The following USP36 variants were observed in gnomAD, a reference collection of about 807,000 sequenced individuals.
USP36 encodes ubiquitin specific peptidase 36.
A neutral mutation model predicts 111.5 loss-of-function variants in USP36; 59 were observed. The ratio of observed to expected loss-of-function variants is 0.53; its 90% CI spans 0.43 to 0.66. The LOEUF (loss-of-function observed/expected upper bound fraction) is 0.66. Ranked by LOEUF, USP36 falls within the 30% of genes least tolerant of loss-of-function variation. The pLI is 0.00. For missense variants in USP36, 1,488 were observed against 1,468.0 expected (o/e 1.01, Z -0.22); for synonymous variants, 628 against 581.0 (o/e 1.08, Z -1.16).
intron 7 of USP36, 76 bp downstream of exon 7, chr17:78,821,861 C>A (rs1032226823): frequency 5.2e-6 from 8 of 1,542,330 alleles, no homozygotes; most frequent in Non-Finnish European, 7.2e-6. Flanking sequence ...CCCCAGCCTG[C>A]GTTCCAACTC....
intron 7 of USP36, chr17:78,821,286 G>T (rs2094312013): frequency 2.2e-6 from 1 of 461,196 alleles, no homozygotes. Flanking sequence ...GGCCCTCCCT[G>T]CCTGGACTGC....
At chr17:78,840,909 C>T (rs1191962639), upstream of USP36, 1 of 152,270 alleles carries the variant, frequency 6.6e-6, no homozygotes, top group African/African-American at 2.4e-5. Flanking sequence ...GGTTGGGAGG[C>T]TTTAAGAGGC....
At chr17:78,788,039 T>C (rs1443765756) in intron 3 of USP36, among the ~76,000 whole-genome samples, 1 of 152,228 alleles carries the variant, frequency 6.6e-6, no homozygotes, top group Non-Finnish European at 1.5e-5. Context: ...TCTCTGGCAC[T>C]GTGAGAGAAC....
chr17:78,802,033 C>T (rs1421619443), intron 17 of USP36, among the ~76,000 whole-genome samples: 5 of 152,130 alleles, frequency 3.3e-5, no homozygotes, highest in African/African-American at 2.4e-5. Flanking sequence ...ATGCAGTAGA[C>T]GCTGCTCTCA....
chr17:78,788,956 T>C (rs1303607687), intron 3 of USP36, among the ~76,000 whole-genome samples: 1 of 151,812 alleles, frequency 6.6e-6, no homozygotes, highest in Non-Finnish European at 1.5e-5. Context: ...TCCCAGCACT[T>C]TGGGAGGCTG....
chr17:78,827,803 G>A (rs559887509), intron 5 of USP36, among the ~76,000 whole-genome samples: 3 of 152,232 alleles, frequency 2.0e-5, no homozygotes, highest in Non-Finnish European at 4.4e-5. Flanking sequence ...CAGCTACTTA[G>A]GTGGCTGAGG....
In USP36 at chr17:78,807,123, G is replaced by A. The variant is rs1182845052; in HGVS notation, c.1921C>T (p.Gln641Ter). 6.2e-7 allele frequency: 1 copy of A among 1,614,106 alleles called. No individual in the cohort carries two copies. Among genetic ancestry groups the A allele is most frequent in the Non-Finnish European group, 8.5e-7 (1 of 1,180,052 alleles). The change falls in exon 14 of 21, where the codon CAG becomes TAG. Residue 641 changes from glutamine to a stop codon, truncating the protein, a stop_gained. Coordinates refer to ENST00000449938, the MANE Select transcript of USP36 (RefSeq NM_001385174.1). LOFTEE classifies it high-confidence loss of function. ...CCAGCGGTGGAACAGTTCGTTTCCT[G>A]AGAATCGCAGAGATGGGCCGCTCCA... ...RSGAAHLCDSQETNCSTAGHS... is the reference protein window; with the variant it reads ...RSGAAHLCDS
intron 10 of USP36, 29 bp downstream of exon 10, chr17:78,818,638 C>G (rs1439864611): frequency 2.5e-6 from 4 of 1,602,224 alleles, no homozygotes; most frequent in Non-Finnish European, 3.4e-6. Context: ...GCCCACGGAG[C>G]TGCCTGGGAT....
chr17:78,836,458 T>C (rs1187253210), intron 2 of USP36, 86 bp from the exon 3 acceptor site: 23 of 1,508,842 alleles, frequency 1.5e-5, no homozygotes, highest in Non-Finnish European at 1.7e-5. Flanking sequence ...TTGGTCATTA[T>C]GGATGCTAGC....
intron 6 of USP36, 122 bp downstream of exon 6, chr17:78,827,123 G>T: frequency 8.8e-7 from 1 of 1,134,482 alleles, no homozygotes; most frequent in Non-Finnish European, 1.3e-6. Context: ...ATTCTGCCAC[G>T]TCTACCCAAG....
rs781712707 is a variant in USP36, at chr17:78,798,609, G to A, written c.3241-58C>T. 13 of 1,602,474 alleles carry A rather than the reference G, an allele frequency of 8.1e-6. No homozygotes were observed. The highest frequency in any genetic ancestry group is 1.0e-5 in the Non-Finnish European group (12 of 1,179,212). On this transcript the variant is annotated intron_variant, in intron 19 of 20. Coordinates refer to ENST00000449938, the MANE Select transcript of USP36 (RefSeq NM_001385174.1). The surrounding 1 kb of genome is among the most constrained non-coding windows in gnomAD (Gnocchi z 5.1). Reference sequence around the variant, plus strand: ...AAAAACGGCTCTTTCCTGGCCCACGGGGCTCCATGCTGCATGCAGGTCCTG... The same window carrying A: ...AAAAACGGCTCTTTCCTGGCCCACGAGGCTCCATGCTGCATGCAGGTCCTG...
intron 17 of USP36, 64 bp from the exon 18 acceptor site, chr17:78,799,832 G>T: frequency 9.4e-7 from 1 of 1,058,672 alleles, no homozygotes. Context: ...GGAAGCAATC[G>T]CACACCTTAA....
intron 15 of USP36, among the ~76,000 whole-genome samples, chr17:78,804,670 T>C (rs933015245): frequency 2.8e-5 from 4 of 143,982 alleles, no homozygotes; most frequent in African/African-American, 1.0e-4. Flanking sequence ...CAACACGTGA[T>C]TTTAAAAGTC....
chr17:78,817,483 G>A (rs1287062418), intron 10 of USP36, among the ~76,000 whole-genome samples: 4 of 152,120 alleles, frequency 2.6e-5, no homozygotes, highest in Non-Finnish European at 4.4e-5. Context: ...TACTGGGCAC[G>A]GTGGCTCATG....
chr17:78,820,400 C>T (rs191097332), intron 8 of USP36, among the ~76,000 whole-genome samples: 2 of 152,150 alleles, frequency 1.3e-5, no homozygotes, highest in Non-Finnish European at 2.9e-5. Flanking sequence ...GAGGTCAACA[C>T]TACAGTGAGC....
chr17:78,798,133 C>T lies in USP36; in HGVS notation c.*21-254G>A, dbSNP rs1241838076. On this transcript the variant is annotated intron_variant, in intron 20 of 20. Coordinates refer to ENST00000449938, the MANE Select transcript of USP36 (RefSeq NM_001385174.1). This position sits in a 1 kb window ranked among gnomAD's most constrained non-coding sequence, Gnocchi z 5.1. ...ACAGATGCCAGGTGTACACACCCCA[C>T]ACCCAACACACACTACACACACCCC... 6 of 461,866 alleles carry T rather than the reference C, an allele frequency of 1.3e-5. No homozygotes were observed. The highest frequency in any genetic ancestry group is 3.5e-5 in the East Asian group (1 of 28,432). The allele number at this position is 461,866 out of a possible 1,614,324, so 28.6% of individuals were successfully genotyped here.
chr17:78,810,889 G>A (rs576130976), intron 13 of USP36, among the ~76,000 whole-genome samples: 4 of 152,050 alleles, frequency 2.6e-5, no homozygotes, highest in South Asian at 2.1e-4. Flanking sequence ...CAAGCTGAGC[G>A]AATCACTTGA....
At chr17:78,826,211 G>A (rs931641304) in intron 6 of USP36, among the ~76,000 whole-genome samples, 2 of 152,208 alleles carry the variant, frequency 1.3e-5, no homozygotes, top group African/African-American at 4.8e-5. Flanking sequence ...TGCAGTGAAA[G>A]TTGCCTTCAT....
At chr17:78,838,384 A>AC (rs1835226669) in intron 2 of USP36, among the ~76,000 whole-genome samples, 1 of 150,528 alleles carries the variant, frequency 6.6e-6, no homozygotes, top group Admixed American at 6.6e-5. Context: ...AAAAAAAAAA[A>AC]AACAAAAAAC....
Sources: allele counts gnomAD v4.1 joint callset (sites outside exome capture counted in the v4.1 genomes callset), GRCh38; gene constraint gnomAD v4.1.1; non-coding constraint Gnocchi (gnomAD v3.1); transcripts MANE v1.5; gene names NCBI Gene and HGNC (gene_info 2026-07-23, HGNC 2026-07-21).